The following FRMD5 variants were observed in gnomAD, a reference collection of about 807,000 sequenced individuals.
FRMD5 encodes the protein FERM domain containing 5.
Under a neutral mutation model 69.0 loss-of-function variants are expected in FRMD5, and 20 were observed. The observed-to-expected ratio is 0.29, with a 90% CI of 0.20 to 0.42. FRMD5 has a LOEUF of 0.42. Ranked by LOEUF, FRMD5 falls within the 10% of genes least tolerant of loss-of-function variation. The probability of loss-of-function intolerance (pLI) is 1.00; values close to 1 mark genes in which losing one functional copy is unlikely to be tolerated. For missense variants in FRMD5, 595 were observed against 708.6 expected, an observed-to-expected ratio of 0.84 and a Z score of 1.82; for synonymous variants, 271 against 260.1, an observed-to-expected ratio of 1.04 and a Z score of -0.40.
At chr15:44,019,063 T>G (rs1486375763) in intron 1 of FRMD5, among the ~76,000 whole-genome samples, 5 of 152,036 alleles carry the variant, frequency 3.3e-5, no homozygotes, top group Non-Finnish European at 7.4e-5. Context: ...TCCGGCTAAT[T>G]TTTGTATTTT....
intron 1 of FRMD5, among the ~76,000 whole-genome samples, chr15:44,067,314 G>C (rs1039398163): frequency 1.3e-5 from 2 of 152,064 alleles, no homozygotes; most frequent in African/African-American, 4.8e-5. Context: ...AAAAAGTACT[G>C]GTTAAAATAT....
At chr15:43,917,737 G>C (rs1303217905) in intron 4 of FRMD5, 1 of 152,218 alleles carries the variant, frequency 6.6e-6, no homozygotes, top group African/African-American at 2.4e-5. Flanking sequence ...AAAGCCTTAG[G>C]GTGTCTATGA....
At chr15:44,179,901 C>G (rs1342574402) in intron 1 of FRMD5, among the ~76,000 whole-genome samples, 1 of 152,080 alleles carries the variant, frequency 6.6e-6, no homozygotes, top group African/African-American at 2.4e-5. Flanking sequence ...TAGCTAGGCA[C>G]AGTGGTGTGT....
intron 13 of FRMD5, among the ~76,000 whole-genome samples, chr15:43,875,364 ATATATAT>A (rs1174391586): frequency 9.2e-5 from 7 of 76,198 alleles, no homozygotes; most frequent in African/African-American, 2.1e-4. Flanking sequence ...AAAAAAAAAA[ATATATAT>A]ATATATATAT....
intron 1 of FRMD5, among the ~76,000 whole-genome samples, chr15:44,025,069 G>GT (rs1485598144): frequency 6.6e-6 from 1 of 152,196 alleles, no homozygotes; most frequent in Non-Finnish European, 1.5e-5. Context: ...TAGAAGTGGG[G>GT]TAGTAATACT....
rs145110599 is a variant in FRMD5 at position 43,917,514 on chromosome 15, C to T, written c.329+1945G>A. Among the ~76,000 whole-genome samples, 64 of 152,260 alleles carry T rather than the reference C, an allele frequency of 4.2e-4. No homozygotes were observed. The East Asian group carries it at 0.01, about 25-fold the overall frequency. On this transcript the variant is annotated intron_variant, in intron 4 of 13. Coordinates refer to ENST00000417257, the MANE Select transcript of FRMD5 (RefSeq NM_032892.5). The stretch of plus-strand genomic sequence containing the variant: ...CAAGTGATTCTCCTGCCTCAGCCTC[C>T]CGAGTAGCTGGGATTACAGGCGTGA...
chr15:43,913,940 C>T (rs1308521218), intron 4 of FRMD5, among the ~76,000 whole-genome samples: 1 of 152,204 alleles, frequency 6.6e-6, no homozygotes, highest in Non-Finnish European at 1.5e-5. Context: ...TAGGAGAACA[C>T]GCTTGCTTCT....
intron 1 of FRMD5, among the ~76,000 whole-genome samples, chr15:44,184,486 CAT>C (rs1172519282): frequency 6.6e-6 from 1 of 152,144 alleles, no homozygotes; most frequent in Non-Finnish European, 1.5e-5. Flanking sequence ...TTAAAGTACA[CAT>C]ATCACATTAT....
chr15:44,014,397 C>T (rs1166353509), intron 1 of FRMD5, among the ~76,000 whole-genome samples: 1 of 152,194 alleles, frequency 6.6e-6, no homozygotes, highest in Non-Finnish European at 1.5e-5. Flanking sequence ...AGATGTCAGA[C>T]TAGGTACTTA....
At chr15:44,192,029 G>C (rs1214645079) in intron 1 of FRMD5, among the ~76,000 whole-genome samples, 1 of 150,168 alleles carries the variant, frequency 6.7e-6, no homozygotes, top group Non-Finnish European at 1.5e-5. Context: ...AAACTGGCAG[G>C]GAGCTGTTAA....
chr15:43,903,749 G>A (rs917601204), intron 6 of FRMD5, among the ~76,000 whole-genome samples: 1 of 152,154 alleles, frequency 6.6e-6, no homozygotes, highest in Non-Finnish European at 1.5e-5. Flanking sequence ...ATTTACCCTT[G>A]GAGTTGGCCC....
intron 1 of FRMD5, among the ~76,000 whole-genome samples, chr15:44,066,030 T>C (rs1328433389): frequency 6.6e-6 from 1 of 152,160 alleles, no homozygotes; most frequent in African/African-American, 2.4e-5. Flanking sequence ...AAAACTGACA[T>C]TCAGAAAAAT....
At chr15:44,099,555 A>G (rs985177012) in intron 1 of FRMD5, among the ~76,000 whole-genome samples, 1 of 152,210 alleles carries the variant, frequency 6.6e-6, no homozygotes, top group African/African-American at 2.4e-5. Context: ...TGGAAGGAAG[A>G]AGTGAATTTG....
chr15:43,947,753 T>C (rs2089969093), intron 1 of FRMD5, among the ~76,000 whole-genome samples: 1 of 152,176 alleles, frequency 6.6e-6, no homozygotes, highest in Non-Finnish European at 1.5e-5. Flanking sequence ...TTAGTTTTCA[T>C]AAATTCAATC....
intron 1 of FRMD5, among the ~76,000 whole-genome samples, chr15:43,979,908 G>C (rs1438975656): frequency 6.6e-6 from 1 of 152,118 alleles, no homozygotes; most frequent in Non-Finnish European, 1.5e-5. Context: ...GCGATGCTGT[G>C]AAAATAAAGA....
intron 1 of FRMD5, among the ~76,000 whole-genome samples, chr15:44,187,489 T>C (rs1382075916): frequency 1.3e-5 from 2 of 152,190 alleles, no homozygotes; most frequent in East Asian, 3.9e-4. Context: ...TTTTTAACTT[T>C]TCCACTTAGA....
chr15:43,942,261 T>G (rs748955625), intron 1 of FRMD5, among the ~76,000 whole-genome samples: 4 of 152,224 alleles, frequency 2.6e-5, no homozygotes, highest in Non-Finnish European at 4.4e-5. Flanking sequence ...GTCAAGAATA[T>G]GGAATTTCAA....
At chr15:43,913,569 G>C (rs2140426763) in intron 4 of FRMD5, among the ~76,000 whole-genome samples, 1 of 152,336 alleles carries the variant, frequency 6.6e-6, no homozygotes, top group Non-Finnish European at 1.5e-5. Flanking sequence ...CTATTCACAA[G>C]AGACCCTGGC....
chr15:44,021,147 G>A (rs1891192812), intron 1 of FRMD5, among the ~76,000 whole-genome samples: 1 of 152,108 alleles, frequency 6.6e-6, no homozygotes, highest in Non-Finnish European at 1.5e-5. Context: ...TTAGCCAGGT[G>A]TGATGGTGTG....
Sources: allele counts gnomAD v4.1 joint callset (sites outside exome capture counted in the v4.1 genomes callset), GRCh38; gene constraint gnomAD v4.1.1; transcripts MANE v1.5; gene names NCBI Gene and HGNC (gene_info 2026-07-23, HGNC 2026-07-21).